The following CSMD1 variants were observed in gnomAD, a reference collection of about 807,000 sequenced individuals.
The protein encoded by CSMD1 is CUB and Sushi multiple domains 1, also known as CUB and sushi domain-containing protein 1.
CSMD1 carries 213 observed loss-of-function variants against 417.5 expected under a neutral mutation model. The ratio of observed to expected loss-of-function variants is 0.51; its 90% CI spans 0.46 to 0.57. The LOEUF (loss-of-function observed/expected upper bound fraction) is 0.57, where lower values mean the gene tolerates loss of function less well. Among genes scored for constraint, CSMD1 ranks in the 20% least tolerant of loss-of-function variants. The pLI, the probability that CSMD1 is intolerant of heterozygous loss-of-function variation, is 0.00. For synonymous variants in CSMD1, 2,862 were observed against 1,736.8 expected (o/e 1.65, Z -16.11); for missense variants, 6,923 against 4,529.7 (o/e 1.53, Z -15.17).
At chr8:4,839,512 TG>T (rs1800710541) in intron 1 of CSMD1, among the ~76,000 whole-genome samples, 1 of 152,206 alleles carries the variant, frequency 6.6e-6, no homozygotes, top group Admixed American at 6.5e-5. Context: ...TGATTTTTTC[TG>T]GGGCTCTGGG....
At chr8:3,753,686 TA>T (rs1797487129) in intron 6 of CSMD1, among the ~76,000 whole-genome samples, 1 of 152,200 alleles carries the variant, frequency 6.6e-6, no homozygotes, top group Non-Finnish European at 1.5e-5. Context: ...AGCTATTGAT[TA>T]AAACTTAGCA....
At chr8:4,409,543 T>C (rs543802960) in intron 3 of CSMD1, among the ~76,000 whole-genome samples, 1 of 152,324 alleles carries the variant, frequency 6.6e-6, no homozygotes, top group Non-Finnish European at 1.5e-5. Flanking sequence ...CAGCTCATTG[T>C]TAATTCAGAA....
At chr8:4,659,502 C>G (rs1804449127) in intron 1 of CSMD1, among the ~76,000 whole-genome samples, 1 of 152,110 alleles carries the variant, frequency 6.6e-6, no homozygotes, top group Non-Finnish European at 1.5e-5. Context: ...ATGGATGAAC[C>G]TTGAAAACAT....
intron 1 of CSMD1, among the ~76,000 whole-genome samples, chr8:4,760,802 G>A (rs532633725): frequency 6.6e-5 from 10 of 152,150 alleles, no homozygotes; most frequent in South Asian, 6.2e-4. Flanking sequence ...ACAAAAACAC[G>A]CAAAAAGATC....
chr8:4,429,258 G>C (rs935586001), intron 2 of CSMD1, among the ~76,000 whole-genome samples: 7 of 151,930 alleles, frequency 4.6e-5, no homozygotes, highest in African/African-American at 1.2e-4. Context: ...GATTTCAACA[G>C]TCCTATCACT....
At chr8:4,767,554 G>A (rs1004930029) in intron 1 of CSMD1, among the ~76,000 whole-genome samples, 3 of 152,106 alleles carry the variant, frequency 2.0e-5, no homozygotes, top group African/African-American at 7.2e-5. Flanking sequence ...TGTCCTGTGT[G>A]TTCTGGGGCC....
chr8:3,517,721 A>G (rs561916246), intron 10 of CSMD1, among the ~76,000 whole-genome samples: 2 of 152,352 alleles, frequency 1.3e-5, no homozygotes, highest in South Asian at 2.1e-4. Context: ...TTTTGATAGT[A>G]TAACTCATAG....
At chr8:4,615,920 G>T (rs1801448842) in intron 2 of CSMD1, among the ~76,000 whole-genome samples, 1 of 151,942 alleles carries the variant, frequency 6.6e-6, no homozygotes, top group Admixed American at 6.6e-5. Flanking sequence ...TGTTTGTACA[G>T]TGCCCCTTTC....
intron 3 of CSMD1, among the ~76,000 whole-genome samples, chr8:4,102,825 T>C (rs1801374558): frequency 6.6e-6 from 1 of 152,174 alleles, no homozygotes; most frequent in Non-Finnish European, 1.5e-5. Flanking sequence ...CCCGCATTCA[T>C]ATCCTGCTTG....
intron 3 of CSMD1, among the ~76,000 whole-genome samples, chr8:4,207,782 A>G (rs934790681): frequency 6.6e-6 from 1 of 152,138 alleles, no homozygotes; most frequent in Non-Finnish European, 1.5e-5. Flanking sequence ...AAACCATTAG[A>G]ACTGGCAATA....
intron 1 of CSMD1, among the ~76,000 whole-genome samples, chr8:4,831,165 A>T (rs1303503117): frequency 6.6e-6 from 1 of 152,198 alleles, no homozygotes; most frequent in Non-Finnish European, 1.5e-5. Context: ...CAATGGACAA[A>T]GAATCTAGAA....
At chr8:4,155,245 G>T (rs962196786) in intron 3 of CSMD1, among the ~76,000 whole-genome samples, 1 of 152,300 alleles carries the variant, frequency 6.6e-6, no homozygotes, top group South Asian at 2.1e-4. Context: ...TGTTGAAAAG[G>T]GGCAGCAGAG....
At chr8:4,545,853 A>C (rs1030008489) in intron 2 of CSMD1, among the ~76,000 whole-genome samples, 1 of 152,162 alleles carries the variant, frequency 6.6e-6, no homozygotes, top group African/African-American at 2.4e-5. Flanking sequence ...TAGGAAGATC[A>C]TTTCATCAGG....
At chr8:4,393,063 C>A (rs375954538) in intron 3 of CSMD1, among the ~76,000 whole-genome samples, 2 of 152,146 alleles carry the variant, frequency 1.3e-5, no homozygotes, top group Non-Finnish European at 2.9e-5. Context: ...GTACCCTCCG[C>A]CTCCGGGGTT....
rs564559887 is a variant in CSMD1 at position 4,525,752 on chromosome 8, T to C, written c.303-105687A>G. On this transcript the variant is annotated intron_variant, in intron 2 of 69. Transcript: ENST00000635120. The stretch of plus-strand genomic sequence containing the variant: ...CTCGTCATCACATGGGCAATGCTTA[T>C]TTCACAAGGACAATCAATAGCCAGC... Among the ~76,000 whole-genome samples, 9 of 152,298 alleles carry C rather than the reference T, an allele frequency of 5.9e-5. No individual in the cohort carries two copies. In the East Asian group the frequency reaches 9.7e-4, roughly 16 times the overall value.
intron 10 of CSMD1, among the ~76,000 whole-genome samples, chr8:3,516,402 C>A (rs1797283580): frequency 6.6e-6 from 1 of 152,132 alleles, no homozygotes; most frequent in Non-Finnish European, 1.5e-5. Context: ...GTCAAAAGCC[C>A]TGGAATGCAG....
chr8:3,635,249 G>A (rs1796976260), intron 7 of CSMD1, among the ~76,000 whole-genome samples: 1 of 152,012 alleles, frequency 6.6e-6, no homozygotes, highest in Non-Finnish European at 1.5e-5. Context: ...TCCTAGGTGG[G>A]TGGATCATGA....
At chr8:3,927,682 A>T (rs1389937982) in intron 5 of CSMD1, among the ~76,000 whole-genome samples, 1 of 152,166 alleles carries the variant, frequency 6.6e-6, no homozygotes, top group Non-Finnish European at 1.5e-5. Context: ...TCAAAATAGA[A>T]AAGAAAAGAA....
At position 2,973,173 on chromosome 8, in the gene CSMD1, G is replaced by C; in HGVS notation, c.8867C>G (p.Pro2956Arg). ...CEMGHQLRGS[P>R]ERTCLLNGSW... ...CCCATTGAGCAAACACGTGCGTTCA[G>C]GGGAGCCCCTCAGCTGGTGCCCCAT... Residue 2956 changes from proline to arginine, a missense_variant, in exon 57 of 70, where the codon CCT becomes CGT. Pro to Arg is a moderately radical substitution (Grantham distance 103). Transcript: ENST00000635120. 1.2e-6 allele frequency: 2 copies of C among 1,613,794 alleles called. No homozygotes were observed. Among genetic ancestry groups the C allele is most frequent in the Non-Finnish European group, 1.7e-6 (2 of 1,179,752 alleles).
Sources: allele counts gnomAD v4.1 joint callset (sites outside exome capture counted in the v4.1 genomes callset), GRCh38; gene constraint gnomAD v4.1.1; transcripts MANE v1.5; gene names NCBI Gene and HGNC (gene_info 2026-07-23, HGNC 2026-07-21).